Variants in TNN observed in about 807,000 individuals in gnomAD.
TNN encodes the protein tenascin-N.
In TNN, 122 loss-of-function variants were observed where a neutral mutation model predicts 134.4. The observed-to-expected ratio is 0.91, with a 90% CI of 0.78 to 1.06. TNN has a LOEUF of 1.06. TNN is among the 50% of genes least tolerant of loss of function. The pLI is 0.00. For missense variants in TNN, 1,739 were observed against 1,699.4 expected (o/e 1.02, Z -0.41); for synonymous variants, 710 against 670.3 (o/e 1.06, Z -0.91).
Position 175,117,056 on chromosome 1 carries a change from A to G in TNN, c.2237A>G (p.Lys746Arg). Reference protein sequence around the residue: ...DRYVVRYTSAKDGETREVPVG... With the variant: ...DRYVVRYTSARDGETREVPVG... ...TATGTGGTGCGCTACACCTCTGCCA[A>G]GGACGGAGAGACCAGGGAGGTTCCG... Residue 746 changes from lysine to arginine, a missense_variant, in exon 10 of 19, where the codon AAG (lysine) becomes AGG (arginine). Lys to Arg is a conservative substitution (Grantham distance 26). Transcript: ENST00000239462. 1 of 1,614,234 alleles carries G rather than the reference A, an allele frequency of 6.2e-7. No individual in the cohort carries two copies.
intron 17 of TNN, among the ~76,000 whole-genome samples, chr1:175,138,287 C>A (rs1446749165): frequency 1.3e-5 from 2 of 152,160 alleles, no homozygotes; most frequent in Non-Finnish European, 2.9e-5. Flanking sequence ...GTTCTTGTTT[C>A]CCAGTGCCTA....
intron 6 of TNN, among the ~76,000 whole-genome samples, chr1:175,090,845 C>T (rs1487075238): frequency 1.3e-5 from 2 of 152,180 alleles, no homozygotes; most frequent in South Asian, 2.1e-4. Flanking sequence ...CCTTACTTTA[C>T]ATCTCATTGA....
At chr1:175,142,516 G>C (rs1331417001) in intron 17 of TNN, among the ~76,000 whole-genome samples, 1 of 152,250 alleles carries the variant, frequency 6.6e-6, no homozygotes, top group African/African-American at 2.4e-5. Flanking sequence ...GCCTGCGTCA[G>C]ATCATCGGAA....
chr1:175,070,617 G>T (rs1443629387), intron 1 of TNN, among the ~76,000 whole-genome samples: 1 of 152,158 alleles, frequency 6.6e-6, no homozygotes, highest in African/African-American at 2.4e-5. Flanking sequence ...ATACTTAGCT[G>T]TCTTGTATCC....
At chr1:175,116,841 A>G in intron 9 of TNN, 98 bp from the exon 10 acceptor site, 2 of 1,533,862 alleles carry the variant, frequency 1.3e-6, no homozygotes, top group Non-Finnish European at 1.8e-6. Flanking sequence ...TGGAGAAACC[A>G]TAAGAACAGG....
chr1:175,094,730 CA>C (rs981139852), intron 7 of TNN, among the ~76,000 whole-genome samples: 2 of 152,218 alleles, frequency 1.3e-5, no homozygotes, highest in Non-Finnish European at 2.9e-5. Context: ...TGAGGGTTCT[CA>C]TACTTCACCC....
chr1:175,126,738 C>T (rs1188832219), intron 12 of TNN, among the ~76,000 whole-genome samples: 3 of 152,114 alleles, frequency 2.0e-5, no homozygotes, highest in South Asian at 2.1e-4. Context: ...TGGGACCCAC[C>T]CAACGCCCTG....
In TNN at chr1:175,137,073, G is replaced by A. The variant is rs183380338; in HGVS notation, c.3595+85G>A. ...TTTGCCGTGTGCCACTGATCTGGGG[G>A]ATGGAATATTATTCTGTGGAGGTGA... On this transcript the variant is annotated intron_variant, in intron 17 of 18. Transcript: ENST00000239462. The A allele has an allele frequency of 8.6e-3, 11,931 of 1,393,720 alleles. 83 individuals carry two copies. Among genetic ancestry groups the A allele is most frequent in the Non-Finnish European group, 0.011 (10,886 of 1,003,820 alleles). The allele number at this position is 1,393,720 out of a possible 1,614,324, so 86.3% of individuals were successfully genotyped here. A position where few individuals can be genotyped will look rare whatever the true frequency, so the allele number is the denominator to read the frequency against.
chr1:175,094,459 C>A (rs1435025861), intron 7 of TNN, among the ~76,000 whole-genome samples: 1 of 152,174 alleles, frequency 6.6e-6, no homozygotes, highest in African/African-American at 2.4e-5. Context: ...TCACTTGATG[C>A]AGAAGGTCAT....
At chr1:175,145,928 A>G (rs1160656372) in intron 18 of TNN, among the ~76,000 whole-genome samples, 2 of 152,032 alleles carry the variant, frequency 1.3e-5, no homozygotes, top group African/African-American at 2.4e-5. Context: ...TCCCCATCCT[A>G]GGTTTCTAAT....
intron 9 of TNN, among the ~76,000 whole-genome samples, chr1:175,110,528 T>C (rs181430759): frequency 6.6e-6 from 1 of 152,390 alleles, no homozygotes; most frequent in East Asian, 1.9e-4. Flanking sequence ...TAATCCACTT[T>C]AATTTAATTT....
At chr1:175,138,191 A>G (rs1026730958) in intron 17 of TNN, among the ~76,000 whole-genome samples, 3 of 152,216 alleles carry the variant, frequency 2.0e-5, no homozygotes, top group Non-Finnish European at 4.4e-5. Flanking sequence ...GTCTGGGGCC[A>G]TGATCTGGGT....
At chr1:175,076,317 G>A (rs552834480) in intron 1 of TNN, among the ~76,000 whole-genome samples, 3 of 152,174 alleles carry the variant, frequency 2.0e-5, no homozygotes, top group African/African-American at 7.2e-5. Flanking sequence ...ACCCATGCAC[G>A]GATGGATTTG....
chr1:175,146,866 A>G, intron 18 of TNN, 65 bp from the exon 19 acceptor site: 6 of 1,426,292 alleles, frequency 4.2e-6, no homozygotes, highest in Non-Finnish European at 5.6e-6. Flanking sequence ...CCTTTGTACC[A>G]TAACCCACCC....
Position 175,083,744 on chromosome 1 carries a change from C to G in TNN, c.1049-6C>G. On this transcript the variant is annotated splice_polypyrimidine_tract_variant and splice_region_variant and intron_variant, in intron 4 of 18. Coordinates refer to ENST00000239462, the MANE Select transcript of TNN (RefSeq NM_022093.2). The stretch of plus-strand genomic sequence containing the variant: ...CTTTCTCTTGCCTCCGTCACCCCTG[C>G]CCTAGACCTTGCTGTGCTTGGCACT... The G allele has an allele frequency of 6.2e-7, 1 of 1,613,696 alleles. No individual in the cohort carries two copies. The highest frequency in any genetic ancestry group is 1.1e-5 in the South Asian group (1 of 91,012).
intron 1 of TNN, among the ~76,000 whole-genome samples, chr1:175,076,889 A>C (rs1172263005): frequency 6.6e-6 from 1 of 152,220 alleles, no homozygotes; most frequent in African/African-American, 2.4e-5. Flanking sequence ...GGGGGTCATC[A>C]TAGTATATTC....
At chr1:175,123,901 C>T (rs566459777) in intron 12 of TNN, among the ~76,000 whole-genome samples, 92 of 152,322 alleles carry the variant, frequency 6.0e-4, no homozygotes, top group African/African-American at 2.1e-3. Flanking sequence ...CCCCTCCACC[C>T]GGCCCAGCGC....
At chr1:175,135,456 A>G (rs935089176) in intron 15 of TNN, among the ~76,000 whole-genome samples, 1 of 152,232 alleles carries the variant, frequency 6.6e-6, no homozygotes, top group Non-Finnish European at 1.5e-5. Context: ...AGGGGAAAAA[A>G]GATGCCATAA....
intron 6 of TNN, among the ~76,000 whole-genome samples, chr1:175,089,164 A>G (rs1050152536): frequency 5.9e-5 from 9 of 152,238 alleles, no homozygotes; most frequent in African/African-American, 2.2e-4. Flanking sequence ...CTGTTAATTA[A>G]TTTAAGGGAA....
Sources: gnomAD v4.1 joint callset for allele counts (sites outside exome capture counted in the v4.1 genomes callset) on GRCh38, gnomAD v4.1.1 for gene constraint, MANE v1.5 for transcripts, NCBI Gene and HGNC (gene_info 2026-07-23, HGNC 2026-07-21) for gene names.